The following DRAXIN variants were observed in gnomAD, a reference collection of about 807,000 sequenced individuals.
The protein encoded by DRAXIN is dorsal inhibitory axon guidance protein.
In DRAXIN, 27 loss-of-function variants were observed where a neutral mutation model predicts 33.9. The ratio of observed to expected loss-of-function variants is 0.80; its 90% CI spans 0.59 to 1.10. The LOEUF is 1.10. Ranked by LOEUF, DRAXIN falls within the 50% of genes least tolerant of loss-of-function variation. The pLI is 0.00. For missense variants in DRAXIN, 371 were observed against 460.8 expected (o/e 0.81, Z 1.78); for synonymous variants, 178 against 194.0 (o/e 0.92, Z 0.69).
At chr1:11,712,095 G>A (rs549276469) in intron 4 of DRAXIN, 130 bp downstream of exon 4, 8 of 947,328 alleles carry the variant, frequency 8.4e-6, no homozygotes, top group African/African-American at 8.1e-5. Flanking sequence ...GGGAGAGGGG[G>A]AGCATGGAGC....
At chr1:11,708,983 T>C (rs1208140858) in intron 2 of DRAXIN, among the ~76,000 whole-genome samples, 1 of 152,342 alleles carries the variant, frequency 6.6e-6, no homozygotes, top group South Asian at 2.1e-4. Context: ...TACTTACATA[T>C]CTGGCTGCGC....
upstream of DRAXIN, among the ~76,000 whole-genome samples, chr1:11,688,877 C>T (rs189554262): frequency 6.6e-6 from 1 of 152,306 alleles, no homozygotes; most frequent in African/African-American, 2.4e-5. This position sits in a 1 kb window ranked among gnomAD's most constrained non-coding sequence, Gnocchi z 4.6. Context: ...CCTGTCAAAA[C>T]CCACCAAAAG....
At chr1:11,714,843 C>T (rs1453534444) in intron 5 of DRAXIN, among the ~76,000 whole-genome samples, 1 of 152,246 alleles carries the variant, frequency 6.6e-6, no homozygotes. Flanking sequence ...TCTACTGGCT[C>T]TGTCTGGGAG....
rs1641188926 is a variant in DRAXIN, at chr1:11,696,128, C to T, written c.-11+4275C>T. Among the ~76,000 whole-genome samples the T allele has an allele frequency of 6.6e-6, 1 of 152,206 alleles. No individual in the cohort carries two copies. The highest frequency in any genetic ancestry group is 1.5e-5 in the Non-Finnish European group (1 of 68,042). On this transcript the variant is annotated intron_variant, in intron 1 of 6. Coordinates refer to ENST00000294485, the MANE Select transcript of DRAXIN (RefSeq NM_198545.4). The surrounding 1 kb of genome is among the most constrained non-coding windows in gnomAD (Gnocchi z 4.7). ...CCACTGAGGACAGAGGACGCAGCCA[C>T]CTGCGCCTGCCCCTTTGCACACCCA...
At position 11,719,140 on chromosome 1, in the gene DRAXIN, G is replaced by C. The variant is rs1425052673; in HGVS notation, c.938-444G>C. 2.0e-5 allele frequency among the ~76,000 whole-genome samples: 3 copies of C among 152,180 alleles called. No individual in the cohort carries two copies. In the East Asian group the frequency reaches 5.8e-4, roughly 29 times the overall value. On this transcript the variant is annotated intron_variant, in intron 6 of 6. Transcript: ENST00000294485. ...GCTGGTCTCAAACTCCTGACCTCAAGTGATCCACCTGCCTCGGCCTTACAA... is the reference window on the plus strand; with the variant it reads ...GCTGGTCTCAAACTCCTGACCTCAACTGATCCACCTGCCTCGGCCTTACAA...
intron 1 of DRAXIN, among the ~76,000 whole-genome samples, chr1:11,701,957 G>A (rs1368387862): frequency 6.6e-6 from 1 of 151,894 alleles, no homozygotes; most frequent in African/African-American, 2.4e-5. Context: ...AAATCCTTGG[G>A]CTTGGAGAGA....
upstream of DRAXIN, among the ~76,000 whole-genome samples, chr1:11,690,466 C>G (rs183836242): frequency 1.7e-3 from 256 of 152,276 alleles, 3 homozygotes; most frequent in African/African-American, 5.7e-3. This position sits in a 1 kb window ranked among gnomAD's most constrained non-coding sequence, Gnocchi z 4.2. Flanking sequence ...GCCTAGAACA[C>G]TGAAATTTAG....
chr1:11,686,930 C>T (rs1640967720), upstream of DRAXIN, among the ~76,000 whole-genome samples: 1 of 151,972 alleles, frequency 6.6e-6, no homozygotes, highest in South Asian at 2.1e-4. Context: ...TACATCGCTA[C>T]TCTCTAATTC....
rs1641634683 is a variant in DRAXIN, at chr1:11,719,779, T to C, written c.*83T>C. ...TTGTAACTAGCAGTGGGAGATCAAGTTGGGGAACAGATGGCTGAGGCTGCA... is the reference window on the plus strand; with the variant it reads ...TTGTAACTAGCAGTGGGAGATCAAGCTGGGGAACAGATGGCTGAGGCTGCA... On this transcript the variant is annotated 3_prime_UTR_variant, in exon 7 of 7. Transcript: ENST00000294485. 2 of 1,241,026 alleles carry C rather than the reference T, an allele frequency of 1.6e-6. No homozygotes were observed. Among genetic ancestry groups the C allele is most frequent in the East Asian group, 2.5e-5 (1 of 39,634 alleles). 76.9% of individuals were successfully genotyped at this position (1,241,026 alleles called of 1,614,324 possible).
At chr1:11,713,482 G>A (rs1363027517) in intron 5 of DRAXIN, among the ~76,000 whole-genome samples, 2 of 152,188 alleles carry the variant, frequency 1.3e-5, no homozygotes, top group South Asian at 2.1e-4. Flanking sequence ...TTCGGCAGCC[G>A]TCTCCATGGA....
At chr1:11,707,397 CT>C (rs1641400862) in intron 2 of DRAXIN, among the ~76,000 whole-genome samples, 1 of 152,222 alleles carries the variant, frequency 6.6e-6, no homozygotes, top group Admixed American at 6.5e-5. Context: ...GAAGCCAGGT[CT>C]GCCTGAGATC....
intron 1 of DRAXIN, among the ~76,000 whole-genome samples, chr1:11,693,794 G>A (rs1167310249): frequency 6.6e-6 from 1 of 152,122 alleles, no homozygotes; most frequent in Non-Finnish European, 1.5e-5. Flanking sequence ...TCTCTCCGCT[G>A]CCTTCCTCCC....
chr1:11,706,836 C>T lies in DRAXIN; in HGVS notation c.451+127C>T. 7 of 1,035,682 alleles carry T rather than the reference C, an allele frequency of 6.8e-6. No homozygotes were observed. The highest frequency in any genetic ancestry group is 5.5e-5 in the South Asian group (3 of 54,664). The allele number at this position is 1,035,682 out of a possible 1,614,324, so 64.2% of individuals were successfully genotyped here. On this transcript the variant is annotated intron_variant, in intron 2 of 6. Transcript: ENST00000294485. This position sits in a 1 kb window ranked among gnomAD's most constrained non-coding sequence, Gnocchi z 5.5. ...AGGAGAGGAGGGGTCTCACTGAAGCCAGAGGGACCTGGTAAGGGGAGGAGG... is the reference window on the plus strand; with the variant it reads ...AGGAGAGGAGGGGTCTCACTGAAGCTAGAGGGACCTGGTAAGGGGAGGAGG...
At chr1:11,702,685 T>TCACA (rs528776351) in intron 1 of DRAXIN, among the ~76,000 whole-genome samples, 1 of 150,782 alleles carries the variant, frequency 6.6e-6, no homozygotes, top group South Asian at 2.1e-4. Flanking sequence ...TGCCAGATGC[T>TCACA]CACACACACA....
intron 1 of DRAXIN, among the ~76,000 whole-genome samples, chr1:11,699,574 T>C (rs1641239965): frequency 1.3e-5 from 2 of 152,206 alleles, no homozygotes; most frequent in South Asian, 4.1e-4. Flanking sequence ...GGGATCCTCC[T>C]GCCTCAGCCT....
At chr1:11,711,798 C>T (rs1038882052) in intron 3 of DRAXIN, 53 bp from the exon 4 acceptor site, 108 of 1,533,970 alleles carry the variant, frequency 7.0e-5, no homozygotes, top group Non-Finnish European at 9.2e-5. Context: ...ACTCCACACT[C>T]CTGCTTCCAT....
intron 1 of DRAXIN, among the ~76,000 whole-genome samples, chr1:11,695,852 G>A (rs1557686029): frequency 1.3e-5 from 2 of 152,134 alleles, no homozygotes; most frequent in African/African-American, 4.8e-5. Flanking sequence ...TAGGACTCGA[G>A]TTCAGCAGGT....
At chr1:11,716,067 C>T (rs1255709092) in intron 6 of DRAXIN, among the ~76,000 whole-genome samples, 1 of 152,302 alleles carries the variant, frequency 6.6e-6, no homozygotes, top group East Asian at 1.9e-4. Context: ...CAGAGTTTTG[C>T]CATGTTCCCT....
intron 6 of DRAXIN, among the ~76,000 whole-genome samples, chr1:11,718,963 T>A (rs531322369): frequency 7.2e-5 from 11 of 152,168 alleles, no homozygotes; most frequent in Non-Finnish European, 1.5e-4. Context: ...TGCAGTGGCA[T>A]GATCTTGGCT....
Sources: allele counts gnomAD v4.1 joint callset (sites outside exome capture counted in the v4.1 genomes callset), GRCh38; gene constraint gnomAD v4.1.1; non-coding constraint Gnocchi (gnomAD v3.1); transcripts MANE v1.5; gene names NCBI Gene and HGNC (gene_info 2026-07-23, HGNC 2026-07-21).